Variants in LHFPL3 observed in about 807,000 individuals in gnomAD.
LHFPL3 encodes LHFPL tetraspan subfamily member 3.
Under a neutral mutation model 19.3 loss-of-function variants are expected in LHFPL3, and 5 were observed. That is an observed-to-expected ratio of 0.26 (90% CI 0.14 to 0.54). The LOEUF (loss-of-function observed/expected upper bound fraction) is 0.54. LHFPL3 is among the 20% of genes least tolerant of loss of function. The probability of loss-of-function intolerance (pLI) is 0.94; values close to 1 mark genes in which losing one functional copy is unlikely to be tolerated. For missense variants in LHFPL3, 249 were observed against 307.4 expected, an observed-to-expected ratio of 0.81 and a Z score of 1.42; for synonymous variants, 133 against 126.2, an observed-to-expected ratio of 1.05 and a Z score of -0.36.
At chr7:104,555,004 G>C (rs775881873) in intron 1 of LHFPL3, among the ~76,000 whole-genome samples, 7 of 152,188 alleles carry the variant, frequency 4.6e-5, no homozygotes, top group Non-Finnish European at 7.4e-5. Flanking sequence ...CATTTCCTCT[G>C]CCTTTTGGTT....
intron 1 of LHFPL3, among the ~76,000 whole-genome samples, chr7:104,666,425 G>A (rs905177887): frequency 2.7e-5 from 4 of 147,064 alleles, no homozygotes; most frequent in African/African-American, 1.0e-4. Flanking sequence ...AGAACATGCA[G>A]TATTTGTCTT....
chr7:104,847,111 T>G (rs1173969817), intron 2 of LHFPL3, among the ~76,000 whole-genome samples: 1 of 152,148 alleles, frequency 6.6e-6, no homozygotes, highest in East Asian at 1.9e-4. Flanking sequence ...CCTATCAAAC[T>G]CAGATAGATG....
At chr7:104,763,711 G>T (rs922770303) in intron 2 of LHFPL3, among the ~76,000 whole-genome samples, 1 of 152,192 alleles carries the variant, frequency 6.6e-6, no homozygotes, top group African/African-American at 2.4e-5. Context: ...GTGGGAGCAG[G>T]TTCTTGCTTC....
intron 1 of LHFPL3, among the ~76,000 whole-genome samples, chr7:104,689,441 A>G (rs1792866526): frequency 6.6e-6 from 1 of 152,216 alleles, no homozygotes; most frequent in Non-Finnish European, 1.5e-5. Context: ...GGAAACTTCC[A>G]GGTTGAGTGG....
At chr7:104,515,481 G>A (rs1270951420) in intron 1 of LHFPL3, among the ~76,000 whole-genome samples, 1 of 152,130 alleles carries the variant, frequency 6.6e-6, no homozygotes, top group Non-Finnish European at 1.5e-5. Flanking sequence ...TAAGGAGAGC[G>A]TATGTTACCC....
At chr7:104,745,904 G>T (rs1272982547) in intron 2 of LHFPL3, among the ~76,000 whole-genome samples, 1 of 152,184 alleles carries the variant, frequency 6.6e-6, no homozygotes, top group African/African-American at 2.4e-5. Context: ...ACTTAGGGGT[G>T]ATAAAACAAA....
chr7:104,662,162 GTAACTAA>G (rs763404255), intron 1 of LHFPL3, among the ~76,000 whole-genome samples: 1 of 152,096 alleles, frequency 6.6e-6, no homozygotes, highest in African/African-American at 2.4e-5. Flanking sequence ...TTCACTGCAG[GTAACTAA>G]AACCATGGAA....
intron 1 of LHFPL3, among the ~76,000 whole-genome samples, chr7:104,722,303 C>T (rs758887382): frequency 5.3e-5 from 8 of 152,144 alleles, no homozygotes; most frequent in Admixed American, 1.3e-4. Flanking sequence ...ACTGGAGCTA[C>T]GTATTTTGGC....
intron 1 of LHFPL3, among the ~76,000 whole-genome samples, chr7:104,361,363 T>G (rs1224991656): frequency 5.3e-5 from 8 of 152,230 alleles, no homozygotes; most frequent in Non-Finnish European, 8.8e-5. Flanking sequence ...AATCTGTGTT[T>G]GTGTGAAGGG....
intron 2 of LHFPL3, among the ~76,000 whole-genome samples, chr7:104,766,143 G>A: frequency 6.6e-6 from 1 of 152,286 alleles, no homozygotes; most frequent in African/African-American, 2.4e-5. Context: ...TAGTTTCTGT[G>A]GATGGTAATG....
chr7:104,539,756 T>G (rs1031916476), intron 1 of LHFPL3, among the ~76,000 whole-genome samples: 6 of 152,222 alleles, frequency 3.9e-5, no homozygotes, highest in African/African-American at 1.4e-4. Context: ...ATTACTTTCT[T>G]TTAACCTGAG....
chr7:104,451,462 TTC>T (rs1792437316), intron 1 of LHFPL3, among the ~76,000 whole-genome samples: 1 of 152,230 alleles, frequency 6.6e-6, no homozygotes, highest in Non-Finnish European at 1.5e-5. Context: ...AGTTTTGTTG[TTC>T]TCTGTTTGTC....
intron 1 of LHFPL3, among the ~76,000 whole-genome samples, chr7:104,505,034 T>C (rs1793670284): frequency 6.6e-6 from 1 of 152,216 alleles, no homozygotes. Context: ...TATACACATA[T>C]ACTGCTATGT....
At chr7:104,519,775 A>T (rs1794008968) in intron 1 of LHFPL3, among the ~76,000 whole-genome samples, 1 of 152,188 alleles carries the variant, frequency 6.6e-6, no homozygotes, top group Non-Finnish European at 1.5e-5. Context: ...GAAACAAGCC[A>T]GCTGTGTACA....
At chr7:104,441,719 G>C (rs929332330) in intron 1 of LHFPL3, among the ~76,000 whole-genome samples, 1 of 152,132 alleles carries the variant, frequency 6.6e-6, no homozygotes, top group Admixed American at 6.6e-5. Flanking sequence ...GGGACTACAG[G>C]TGTGCGCCAC....
chr7:104,565,233 C>G (rs960243163), intron 1 of LHFPL3, among the ~76,000 whole-genome samples: 2 of 152,106 alleles, frequency 1.3e-5, no homozygotes, highest in Admixed American at 6.5e-5. Flanking sequence ...GTGGAGATAA[C>G]TTTATTCAGC....
At chr7:104,818,132 T>C (rs1475685660) in intron 2 of LHFPL3, among the ~76,000 whole-genome samples, 1 of 152,156 alleles carries the variant, frequency 6.6e-6, no homozygotes, top group South Asian at 2.1e-4. Context: ...GCAAGGATCA[T>C]CTAGTTTATT....
chr7:104,801,886 C>G (rs751479049), intron 2 of LHFPL3, among the ~76,000 whole-genome samples: 6 of 152,072 alleles, frequency 3.9e-5, no homozygotes, highest in Non-Finnish European at 8.8e-5. Context: ...TTTGTTTTTT[C>G]ACTTTATGTT....
At chr7:104,660,106 A>G (rs958276982) in intron 1 of LHFPL3, among the ~76,000 whole-genome samples, 39 of 151,398 alleles carry the variant, frequency 2.6e-4, no homozygotes. Context: ...GGTTCAAGCT[A>G]TTCTCCTGCC....
Sources: allele counts gnomAD v4.1 joint callset (sites outside exome capture counted in the v4.1 genomes callset), GRCh38; gene constraint gnomAD v4.1.1; transcripts MANE v1.5; gene names NCBI Gene and HGNC (gene_info 2026-07-23, HGNC 2026-07-21).